The following TRMT11 variants were observed in gnomAD, a reference collection of about 807,000 sequenced individuals.
TRMT11 encodes the protein tRNA (guanine(10)-N(2))-methyltransferase TRMT11.
A neutral mutation model predicts 62.8 loss-of-function variants in TRMT11; 53 were observed. The ratio of observed to expected loss-of-function variants is 0.84; its 90% CI spans 0.68 to 1.06. The LOEUF (loss-of-function observed/expected upper bound fraction) is 1.06, where lower values mean the gene tolerates loss of function less well. TRMT11 is among the 50% of genes least tolerant of loss of function. The pLI, the probability that TRMT11 is intolerant of heterozygous loss-of-function variation, is 0.00. For missense variants in TRMT11, 556 were observed against 553.4 expected, an observed-to-expected ratio of 1.00 and a Z score of -0.05; for synonymous variants, 188 against 190.3, an observed-to-expected ratio of 0.99 and a Z score of 0.10.
chr6:126,025,604 C>T (rs1383463318), intron 12 of TRMT11, among the ~76,000 whole-genome samples: 1 of 152,076 alleles, frequency 6.6e-6, no homozygotes, highest in African/African-American at 2.4e-5. Context: ...TCATTTCTAC[C>T]TTTTGTTTGT....
At chr6:126,000,656 C>T (rs1366498403) in intron 7 of TRMT11, among the ~76,000 whole-genome samples, 1 of 152,070 alleles carries the variant, frequency 6.6e-6, no homozygotes, top group Non-Finnish European at 1.5e-5. Flanking sequence ...AGCTATTACA[C>T]CATGTACTAA....
the TRMT11 span, among the ~76,000 whole-genome samples, chr6:126,215,543 C>A: frequency 2.0e-5 from 3 of 151,876 alleles, no homozygotes; most frequent in African/African-American, 4.8e-5. Context: ...CATAGAAGAT[C>A]TTTTTCCATA....
chr6:126,104,761 C>T (rs1408633065), intron 17 of TRMT11, among the ~76,000 whole-genome samples: 1 of 152,004 alleles, frequency 6.6e-6, no homozygotes, highest in Non-Finnish European at 1.5e-5. Context: ...ATTTTTATGC[C>T]TTCCTTTCTC....
intron 17 of TRMT11, among the ~76,000 whole-genome samples, chr6:126,055,982 G>T (rs1776363266): frequency 6.6e-6 from 1 of 152,070 alleles, no homozygotes; most frequent in Non-Finnish European, 1.5e-5. Flanking sequence ...TGTCACAGAT[G>T]GCTTAGCTCA....
chr6:126,262,344 T>C, the TRMT11 span, among the ~76,000 whole-genome samples: 1 of 152,198 alleles, frequency 6.6e-6, no homozygotes, highest in East Asian at 1.9e-4. Flanking sequence ...GGTAGTATTC[T>C]CACTGCACAG....
intron 17 of TRMT11, among the ~76,000 whole-genome samples, chr6:126,065,567 T>C (rs6912369): frequency 0.12 from 17,760 of 152,284 alleles, 3,324 homozygotes; most frequent in African/African-American, 0.4. Context: ...TTAATTATTA[T>C]GATCTTGAGA....
intron 17 of TRMT11, among the ~76,000 whole-genome samples, chr6:126,053,523 C>T (rs923903278): frequency 6.6e-6 from 1 of 152,184 alleles, no homozygotes; most frequent in Non-Finnish European, 1.5e-5. Flanking sequence ...AACTTAGGGA[C>T]AACCCCTATA....
chr6:126,100,257 G>A (rs1299024253), intron 17 of TRMT11, among the ~76,000 whole-genome samples: 1 of 152,154 alleles, frequency 6.6e-6, no homozygotes. Flanking sequence ...TGAGGGTGGT[G>A]AGAATTTCCA....
At chr6:126,075,518 G>T (rs1776996594) in intron 17 of TRMT11, among the ~76,000 whole-genome samples, 1 of 151,938 alleles carries the variant, frequency 6.6e-6, no homozygotes, top group Non-Finnish European at 1.5e-5. Flanking sequence ...CAGCCACGTG[G>T]TGCTTGCCTG....
chr6:126,208,164 A>G (rs1778807058), downstream of TRMT11, among the ~76,000 whole-genome samples: 1 of 152,228 alleles, frequency 6.6e-6, no homozygotes, highest in African/African-American at 2.4e-5. Context: ...GTAGATTTCT[A>G]AATCACCTGG....
At chr6:126,263,410 T>C in the TRMT11 span, among the ~76,000 whole-genome samples, 113 of 150,776 alleles carry the variant, frequency 7.5e-4, no homozygotes, top group African/African-American at 2.8e-3. Flanking sequence ...CTTCTTTATC[T>C]ATTTCCTCTT....
chr6:126,023,640 CTG>C (rs925014733), intron 12 of TRMT11, among the ~76,000 whole-genome samples: 37 of 152,144 alleles, frequency 2.4e-4, no homozygotes, highest in Non-Finnish European at 4.3e-4. Context: ...GAGTGAGACT[CTG>C]TCTCAAAACA....
At chr6:126,220,410 T>C in the TRMT11 span, among the ~76,000 whole-genome samples, 2 of 152,230 alleles carry the variant, frequency 1.3e-5, no homozygotes, top group African/African-American at 4.8e-5. Context: ...TTCAGATCTC[T>C]ATGTTATTTT....
chr6:126,032,919 A>C (rs545889616), intron 12 of TRMT11, among the ~76,000 whole-genome samples: 1 of 152,296 alleles, frequency 6.6e-6, no homozygotes, highest in African/African-American at 2.4e-5. Context: ...GGTAGCCAAA[A>C]GTTTTCTGTT....
intron 7 of TRMT11, among the ~76,000 whole-genome samples, chr6:126,003,064 T>C (rs1374186332): frequency 6.6e-6 from 1 of 152,100 alleles, no homozygotes; most frequent in South Asian, 2.1e-4. Context: ...TCTCCTATAG[T>C]TGGACATCGG....
chr6:126,069,854 GGTTTT>G (rs1776799082), intron 17 of TRMT11, among the ~76,000 whole-genome samples: 1 of 149,820 alleles, frequency 6.7e-6, no homozygotes, highest in Admixed American at 6.6e-5. Context: ...TGTAGATGAA[GGTTTT>G]TTTTTTTTTT....
At chr6:126,097,318 A>G (rs897011218) in intron 17 of TRMT11, among the ~76,000 whole-genome samples, 3 of 152,214 alleles carry the variant, frequency 2.0e-5, no homozygotes, top group Middle Eastern at 3.2e-3. Context: ...AAAACATAGC[A>G]ATAAATAATG....
chr6:126,249,145 C>A, the TRMT11 span, among the ~76,000 whole-genome samples: 5 of 151,990 alleles, frequency 3.3e-5, no homozygotes, highest in Non-Finnish European at 5.9e-5. Flanking sequence ...ATCAGTTATG[C>A]AGTTGGTCTA....
At chr6:126,108,269 C>G (rs1777486173) in intron 17 of TRMT11, among the ~76,000 whole-genome samples, 1 of 152,146 alleles carries the variant, frequency 6.6e-6, no homozygotes, top group Admixed American at 6.6e-5. Flanking sequence ...TGGGGCATTT[C>G]TTACTTCAGT....
Sources: gnomAD v4.1 joint callset for allele counts (sites outside exome capture counted in the v4.1 genomes callset) on GRCh38, gnomAD v4.1.1 for gene constraint, MANE v1.5 for transcripts, NCBI Gene and HGNC (gene_info 2026-07-23, HGNC 2026-07-21) for gene names.